UBE3B: variants seen among roughly 807,000 people sequenced by gnomAD.
UBE3B encodes ubiquitin protein ligase E3B.
In UBE3B, 80 loss-of-function variants were observed where a neutral mutation model predicts 132.3. The ratio of observed to expected loss-of-function variants is 0.60; its 90% CI spans 0.50 to 0.73. The LOEUF (loss-of-function observed/expected upper bound fraction) is 0.73, where lower values mean the gene tolerates loss of function less well. Among genes scored for constraint, UBE3B ranks in the 30% least tolerant of loss-of-function variants. The pLI is 0.00. For synonymous variants in UBE3B, 487 were observed against 520.4 expected (o/e 0.94, Z 0.87); for missense variants, 1,196 against 1,362.5 (o/e 0.88, Z 1.92).
chr12:109,504,153 A>G (rs1217961315), intron 14 of UBE3B, among the ~76,000 whole-genome samples: 1 of 152,248 alleles, frequency 6.6e-6, no homozygotes, highest in Non-Finnish European at 1.5e-5. Flanking sequence ...TCTCAGCCTT[A>G]GCATTATGGA....
the UBE3B span, among the ~76,000 whole-genome samples, chr12:109,543,150 A>C: frequency 1.3e-5 from 2 of 152,224 alleles, no homozygotes; most frequent in Non-Finnish European, 2.9e-5. Context: ...AAAATCTGAA[A>C]CACCACTGTT....
At chr12:109,500,310 AG>A (rs1408024751) in intron 12 of UBE3B, among the ~76,000 whole-genome samples, 2 of 152,266 alleles carry the variant, frequency 1.3e-5, no homozygotes, top group Admixed American at 6.5e-5. Flanking sequence ...AGATCAAGTA[AG>A]GTGCAGCTTC....
At chr12:109,488,524 G>A (rs1876892202) in intron 6 of UBE3B, 48 bp from the exon 7 acceptor site, 1 of 1,544,242 alleles carries the variant, frequency 6.5e-7, no homozygotes, top group Non-Finnish European at 9.0e-7. Flanking sequence ...TTCACTGTCT[G>A]GAATCAGAAG....
chr12:109,490,447 G>C, intron 8 of UBE3B: 1 of 1,534,732 alleles, frequency 6.5e-7, no homozygotes, highest in Non-Finnish European at 8.7e-7. Flanking sequence ...TGGAAGTCTT[G>C]AGTTTGAGAA....
downstream of UBE3B, among the ~76,000 whole-genome samples, chr12:109,537,596 A>T (rs1026738346): frequency 2.2e-4 from 33 of 152,236 alleles, no homozygotes; most frequent in Admixed American, 2.1e-3. Flanking sequence ...TCATGTAACT[A>T]AAAGAAAAAA....
In UBE3B at chr12:109,521,243, G is replaced by A. The variant is rs1881677324; in HGVS notation, c.2172G>A (p.Gly724=). Reference sequence around the variant, plus strand: ...ATGACCTCGGGGTGGACGAAGCAGGGATTGATCAAGACGGTGTTTTTAAGG... The same window carrying A: ...ATGACCTCGGGGTGGACGAAGCAGGAATTGATCAAGACGGTGTTTTTAAGG... ...FVNDLGVDEA[G]IDQDGVFKEF... is the part of the protein sequence containing the mutation. Residue 724 remains glycine, a synonymous_variant, in exon 20 of 28, where the codon GGG becomes GGA. Coordinates refer to ENST00000342494, the MANE Select transcript of UBE3B (RefSeq NM_130466.4). The surrounding 1 kb of genome is among the most constrained non-coding windows in gnomAD (Gnocchi z 4.2). The A allele has an allele frequency of 1.4e-5, 23 of 1,614,224 alleles. No homozygotes were observed. Among genetic ancestry groups the A allele is most frequent in the Non-Finnish European group, 1.9e-5 (22 of 1,180,048 alleles).
At chr12:109,544,161 TC>T in the UBE3B span, among the ~76,000 whole-genome samples, 1 of 152,126 alleles carries the variant, frequency 6.6e-6, no homozygotes, top group Admixed American at 6.5e-5. Flanking sequence ...CTGCAGCCCT[TC>T]CCAGACACAG....
chr12:109,509,440 A>T, intron 15 of UBE3B, 156 bp from the exon 16 acceptor site: 2 of 533,194 alleles, frequency 3.8e-6, no homozygotes, highest in Non-Finnish European at 3.3e-6. Context: ...ACCCCTGATG[A>T]TATCATATCA....
intron 18 of UBE3B, among the ~76,000 whole-genome samples, chr12:109,514,098 G>A (rs116095906): frequency 0.012 from 1,844 of 152,264 alleles, 28 homozygotes; most frequent in African/African-American, 0.037. Flanking sequence ...GCTCTGCCTG[G>A]CTCACGTGCA....
In UBE3B at chr12:109,527,248, A is replaced by G. The variant is rs186413403; in HGVS notation, c.2627+832A>G. Among the ~76,000 whole-genome samples the G allele has an allele frequency of 2.0e-5, 3 of 152,268 alleles. No individual in the cohort carries two copies. The East Asian group carries it at 5.8e-4, about 29-fold the overall frequency. Reference sequence around the variant, plus strand: ...AAGGGCTCTGCAGAATCTATCATAAATGTCATCCTTTTTGGTCCCTAGAAG... The same window carrying G: ...AAGGGCTCTGCAGAATCTATCATAAGTGTCATCCTTTTTGGTCCCTAGAAG... On this transcript the variant is annotated intron_variant, in intron 24 of 27. Coordinates refer to ENST00000342494, the MANE Select transcript of UBE3B (RefSeq NM_130466.4).
chr12:109,490,901 C>G, intron 8 of UBE3B, 144 bp from the exon 9 acceptor site: 1 of 1,072,460 alleles, frequency 9.3e-7, no homozygotes, highest in Admixed American at 2.8e-5. Flanking sequence ...GCCTCCTGAG[C>G]TGGGACTGTA....
intron 9 of UBE3B, chr12:109,491,388 T>A: frequency 2.9e-6 from 1 of 347,492 alleles, no homozygotes; most frequent in African/African-American, 2.1e-5. Context: ...TGAATTTCTT[T>A]TATCTAAAAG....
At position 109,524,023 on chromosome 12, in the gene UBE3B, C is replaced by T. The variant is rs761560741; in HGVS notation, c.2410C>T (p.Leu804=). The T allele has an allele frequency of 3.1e-6, 5 of 1,614,212 alleles. No individual in the cohort carries two copies. Among genetic ancestry groups the T allele is most frequent in the Non-Finnish European group, 4.2e-6 (5 of 1,180,048 alleles). ...ATTTGCATCCTTCTTCCTGAGCCAA[C>T]TGCTTGGGCACCACCACAGCGTCTT... The part of the protein sequence containing the change: ...VPFASFFLSQ[L]LGHHHSVFYS... Residue 804 remains leucine, a synonymous_variant, in exon 22 of 28, where the codon CTG becomes TTG. Coordinates refer to ENST00000342494, the MANE Select transcript of UBE3B (RefSeq NM_130466.4).
At chr12:109,545,143 C>A in the UBE3B span, among the ~76,000 whole-genome samples, 1 of 152,240 alleles carries the variant, frequency 6.6e-6, no homozygotes, top group South Asian at 2.1e-4. Context: ...CACTGACTCT[C>A]CTGACCTGCT....
chr12:109,489,851 C>A, intron 7 of UBE3B, 68 bp from the exon 8 acceptor site: 5 of 1,422,002 alleles, frequency 3.5e-6, no homozygotes, highest in Non-Finnish European at 5.0e-6. Context: ...GACACAATTT[C>A]CTGTCCCACA....
At chr12:109,484,653 G>C (rs916760859) in intron 4 of UBE3B, among the ~76,000 whole-genome samples, 3 of 151,826 alleles carry the variant, frequency 2.0e-5, no homozygotes, top group Non-Finnish European at 4.4e-5. Context: ...GCCTCCCAGA[G>C]TGCTGGGATT....
intron 9 of UBE3B, among the ~76,000 whole-genome samples, chr12:109,494,528 C>G (rs1207395330): frequency 6.6e-6 from 1 of 152,158 alleles, no homozygotes; most frequent in Non-Finnish European, 1.5e-5. Flanking sequence ...TCAGTCATAC[C>G]TCTTCTGTTT....
intron 11 of UBE3B, 86 bp downstream of exon 11, chr12:109,498,439 G>T: frequency 1.4e-6 from 2 of 1,477,644 alleles, no homozygotes; most frequent in South Asian, 2.6e-5. Context: ...TAGAGATTTG[G>T]TTGTTTTCTG....
chr12:109,533,913 A>G, intron 27 of UBE3B: 1 of 1,329,820 alleles, frequency 7.5e-7, no homozygotes, highest in Non-Finnish European at 9.9e-7. Flanking sequence ...GGAGGCAGGC[A>G]GGCGCAGACT....
Sources: allele counts gnomAD v4.1 joint callset (sites outside exome capture counted in the v4.1 genomes callset), GRCh38; gene constraint gnomAD v4.1.1; non-coding constraint Gnocchi (gnomAD v3.1); transcripts MANE v1.5; gene names NCBI Gene and HGNC (gene_info 2026-07-23, HGNC 2026-07-21).